ERC2: variants seen among roughly 807,000 people sequenced by gnomAD.
The protein encoded by ERC2 is ELKS/RAB6-interacting/CAST family member 2, also known as ERC protein 2.
ERC2 carries 42 observed loss-of-function variants against 114.8 expected under a neutral mutation model. That is an observed-to-expected ratio of 0.37 (90% CI 0.29 to 0.47). ERC2 has a LOEUF of 0.47. ERC2 is among the 20% of genes least tolerant of loss of function. The pLI, the probability that ERC2 is intolerant of heterozygous loss-of-function variation, is 0.99. For missense variants in ERC2, 939 were observed against 1,150.7 expected (o/e 0.82, Z 2.66); for synonymous variants, 454 against 425.5 (o/e 1.07, Z -0.82).
intron 17 of ERC2, among the ~76,000 whole-genome samples, chr3:55,565,968 A>G (rs2056344230): frequency 6.6e-6 from 1 of 152,180 alleles, no homozygotes; most frequent in Non-Finnish European, 1.5e-5. Flanking sequence ...CTTCTTCCTT[A>G]TATCTCAAAT....
At chr3:56,419,328 T>C (rs2061297233) in intron 2 of ERC2, among the ~76,000 whole-genome samples, 1 of 152,236 alleles carries the variant, frequency 6.6e-6, no homozygotes, top group South Asian at 2.1e-4. Flanking sequence ...AGAGGTAAAC[T>C]TGGAATTTTC....
intron 14 of ERC2, among the ~76,000 whole-genome samples, chr3:55,838,176 G>T (rs192047613): frequency 5.9e-5 from 9 of 151,678 alleles, no homozygotes; most frequent in Non-Finnish European, 1.2e-4. Context: ...TCAACAACGG[G>T]ATAGAAGATC....
intron 14 of ERC2, among the ~76,000 whole-genome samples, chr3:55,743,237 G>T (rs1227539124): frequency 7.5e-5 from 11 of 145,754 alleles, no homozygotes; most frequent in Non-Finnish European, 7.5e-5. Flanking sequence ...CAGTGCATGA[G>T]CCAGGGAGGT....
chr3:55,840,095 G>T (rs1204979178), intron 14 of ERC2, among the ~76,000 whole-genome samples: 1 of 152,004 alleles, frequency 6.6e-6, no homozygotes, highest in East Asian at 1.9e-4. Flanking sequence ...GGATAGGGAG[G>T]ATCATTTTAT....
rs185412799 is a variant in ERC2 at position 56,025,642 on chromosome 3, G to A, written c.1642-6611C>T. On this transcript the variant is annotated intron_variant, in intron 7 of 17. Transcript: ENST00000288221. ...CTGACTTCCCTGTCTCTGACCTCTA[G>A]CCCCAGATTTACTGCGCTCATGTGA... Among the ~76,000 whole-genome samples the A allele has an allele frequency of 3.7e-3, 570 of 152,200 alleles. 3 individuals are homozygous for A. Among genetic ancestry groups the A allele is most frequent in the Non-Finnish European group, 6.2e-3 (422 of 68,024 alleles).
intron 6 of ERC2, among the ~76,000 whole-genome samples, chr3:56,107,835 T>C (rs2078753608): frequency 6.6e-6 from 1 of 152,162 alleles, no homozygotes; most frequent in East Asian, 1.9e-4. Context: ...AGCAACTAGG[T>C]GAATTTTTTC....
intron 17 of ERC2, among the ~76,000 whole-genome samples, chr3:55,599,894 C>T (rs2058321064): frequency 6.6e-6 from 1 of 152,176 alleles, no homozygotes; most frequent in South Asian, 2.1e-4. Flanking sequence ...GAACTAACAA[C>T]ATAACCTTTG....
At chr3:56,175,284 C>A (rs1290413597) in intron 3 of ERC2, among the ~76,000 whole-genome samples, 1 of 152,220 alleles carries the variant, frequency 6.6e-6, no homozygotes, top group African/African-American at 2.4e-5. Context: ...TCTTTCTCAA[C>A]CTCCAATTTG....
intron 17 of ERC2, among the ~76,000 whole-genome samples, chr3:55,661,170 G>T (rs1015579419): frequency 6.6e-5 from 10 of 152,158 alleles, no homozygotes; most frequent in Non-Finnish European, 1.2e-4. Context: ...TTATCTCACA[G>T]TTCCGTAGGT....
At chr3:56,105,394 A>C (rs936037860) in intron 6 of ERC2, among the ~76,000 whole-genome samples, 7 of 144,478 alleles carry the variant, frequency 4.8e-5, no homozygotes, top group Non-Finnish European at 9.2e-5. Context: ...ACTCCAACCA[A>C]CTCCAACTCC....
intron 15 of ERC2, among the ~76,000 whole-genome samples, chr3:55,713,519 T>C (rs2063906963): frequency 6.6e-6 from 1 of 152,150 alleles, no homozygotes; most frequent in Non-Finnish European, 1.5e-5. Context: ...TCCTGTCCCT[T>C]ACTAAATATT....
chr3:55,823,298 T>C (rs1359622735), intron 14 of ERC2, among the ~76,000 whole-genome samples: 1 of 152,198 alleles, frequency 6.6e-6, no homozygotes, highest in Non-Finnish European at 1.5e-5. Context: ...CCACATGCAA[T>C]GTTCTTTTAA....
At chr3:56,275,044 C>T (rs1201171899) in intron 3 of ERC2, among the ~76,000 whole-genome samples, 2 of 152,166 alleles carry the variant, frequency 1.3e-5, no homozygotes, top group Admixed American at 6.5e-5. Context: ...TTCACCTTTC[C>T]CACCTTTAGA....
intron 3 of ERC2, among the ~76,000 whole-genome samples, chr3:56,283,868 A>G (rs2054511935): frequency 6.6e-6 from 1 of 152,254 alleles, no homozygotes; most frequent in African/African-American, 2.4e-5. Flanking sequence ...ATCTCCTTAA[A>G]TAGGTTTCTG....
At chr3:55,609,079 G>A (rs1435574155) in intron 17 of ERC2, among the ~76,000 whole-genome samples, 5 of 152,164 alleles carry the variant, frequency 3.3e-5, no homozygotes, top group African/African-American at 9.7e-5. Flanking sequence ...AAAGGAGGCA[G>A]GGAGAGTCCT....
intron 1 of ERC2, among the ~76,000 whole-genome samples, chr3:56,461,608 C>T (rs1213793075): frequency 6.6e-6 from 1 of 152,222 alleles, no homozygotes; most frequent in Non-Finnish European, 1.5e-5. Flanking sequence ...GATATTAAGA[C>T]ACAACCTGTG....
intron 11 of ERC2, among the ~76,000 whole-genome samples, chr3:55,988,979 C>T (rs942123322): frequency 6.6e-6 from 1 of 152,214 alleles, no homozygotes; most frequent in African/African-American, 2.4e-5. Flanking sequence ...CAGGCCAAGG[C>T]TGAGCCCTTT....
intron 14 of ERC2, among the ~76,000 whole-genome samples, chr3:55,745,156 G>A (rs1434654453): frequency 6.6e-6 from 1 of 152,172 alleles, no homozygotes; most frequent in Non-Finnish European, 1.5e-5. Flanking sequence ...CAGACATAAA[G>A]AAGAAAACAG....
chr3:56,052,843 T>C (rs1196758332), intron 7 of ERC2, among the ~76,000 whole-genome samples: 2 of 152,162 alleles, frequency 1.3e-5, no homozygotes, highest in African/African-American at 4.8e-5. Flanking sequence ...CTGTCAGCCC[T>C]ACCCTATCTG....
Sources: allele counts gnomAD v4.1 joint callset (sites outside exome capture counted in the v4.1 genomes callset), GRCh38; gene constraint gnomAD v4.1.1; transcripts MANE v1.5; gene names NCBI Gene and HGNC (gene_info 2026-07-23, HGNC 2026-07-21).